RAB30: variants seen among roughly 807,000 people sequenced by gnomAD.
RAB30 encodes the protein RAB30, member RAS oncogene family, also known as ras-related protein Rab-30.
In RAB30, 9 loss-of-function variants were observed where a neutral mutation model predicts 25.1. The ratio of observed to expected loss-of-function variants is 0.36; its 90% CI spans 0.22 to 0.63. The LOEUF is 0.63. RAB30 is among the 20% of genes least tolerant of loss of function. The probability of loss-of-function intolerance (pLI) is 0.69; values close to 1 mark genes in which losing one functional copy is unlikely to be tolerated. For synonymous variants in RAB30, 77 were observed against 86.4 expected (o/e 0.89, Z 0.60); for missense variants, 140 against 243.5 (o/e 0.58, Z 2.83).
intron 2 of RAB30, among the ~76,000 whole-genome samples, 190 bp downstream of exon 2, chr11:82,997,034 C>T (rs372564638): frequency 3.3e-5 from 5 of 152,148 alleles, no homozygotes; most frequent in South Asian, 2.1e-4. Context: ...GCCATGCTCC[C>T]GTGAGGTGGT....
At chr11:83,030,279 T>C (rs1189084564) in intron 1 of RAB30, among the ~76,000 whole-genome samples, 2 of 151,870 alleles carry the variant, frequency 1.3e-5, no homozygotes, top group Non-Finnish European at 2.9e-5. Context: ...GGAGGATCGC[T>C]TGAGACCAGG....
intron 1 of RAB30, among the ~76,000 whole-genome samples, chr11:83,048,579 T>C (rs150040591): frequency 6.6e-6 from 1 of 152,304 alleles, no homozygotes; most frequent in African/African-American, 2.4e-5. Flanking sequence ...TAGGTAAGCT[T>C]TTTCTTTTTC....
At chr11:83,060,037 C>T (rs1858535769) in intron 1 of RAB30, 3 of 151,824 alleles carry the variant, frequency 2.0e-5, no homozygotes, top group Admixed American at 6.6e-5. Context: ...ATTGTGAAAC[C>T]CCATCTTTAC....
At position 83,002,753 on chromosome 11, in the gene RAB30, G is replaced by A. The variant is rs372911770; in HGVS notation, c.-8-5429C>T. ...GTTTGCAGTGACTCATGATCACACT[G>A]CTGCATTCCACCCTGAGCAACAGAG... On this transcript the variant is annotated intron_variant, in intron 1 of 4. Coordinates refer to ENST00000527633, the MANE Select transcript of RAB30 (RefSeq NM_001286060.2). 5.9e-4 allele frequency among the ~76,000 whole-genome samples: 90 copies of A among 152,204 alleles called. 1 individual carries two copies. In the South Asian group the frequency reaches 0.011, roughly 18 times the overall value.
chr11:83,002,851 T>C (rs1857114290), intron 1 of RAB30, among the ~76,000 whole-genome samples: 1 of 152,138 alleles, frequency 6.6e-6, no homozygotes, highest in African/African-American at 2.4e-5. Context: ...CACCTGTGCA[T>C]TTTTCCTCTT....
rs76371215 is a variant in RAB30 at position 83,047,636 on chromosome 11, C to T, written c.-9+24055G>A. 5.1e-3 allele frequency among the ~76,000 whole-genome samples: 773 copies of T among 152,300 alleles called. 8 individuals are homozygous for T. Among genetic ancestry groups the T allele is most frequent in the African/African-American group, 0.017 (696 of 41,572 alleles). Reference sequence around the variant, plus strand: ...AAAGAAAAAATAAAGCTCCCTGCCTCGACTCTTGACCACACATACTTTCCC... The same window carrying T: ...AAAGAAAAAATAAAGCTCCCTGCCTTGACTCTTGACCACACATACTTTCCC... On this transcript the variant is annotated intron_variant, in intron 1 of 4. Coordinates refer to ENST00000527633, the MANE Select transcript of RAB30 (RefSeq NM_001286060.2).
chr11:83,017,893 C>T (rs1448280923), intron 1 of RAB30, among the ~76,000 whole-genome samples: 1 of 152,110 alleles, frequency 6.6e-6, no homozygotes, highest in Non-Finnish European at 1.5e-5. Context: ...GGGTAGATAC[C>T]CAGTAGTGGC....
rs574143508 is a variant in RAB30 at position 82,979,579 on chromosome 11, A to T, written c.*2586T>A. On this transcript the variant is annotated 3_prime_UTR_variant, in exon 5 of 5. Coordinates refer to ENST00000527633, the MANE Select transcript of RAB30 (RefSeq NM_001286060.2). The stretch of plus-strand genomic sequence containing the variant: ...AAGGAATTTCTGTTTAATCAAAAAA[A>T]GCTCCCCCAACCACTACCACCCCAC... 1 of 152,302 alleles carries T rather than the reference A, an allele frequency of 6.6e-6. No individual in the cohort carries two copies. The highest frequency in any genetic ancestry group is 6.5e-5 in the Admixed American group (1 of 15,282). The allele number at this position is 152,302 out of a possible 1,614,324, so 9.4% of individuals were successfully genotyped here.
chr11:83,006,383 T>TATGTGCAG (rs1379245653), intron 1 of RAB30, among the ~76,000 whole-genome samples: 1 of 152,230 alleles, frequency 6.6e-6, no homozygotes, highest in Non-Finnish European at 1.5e-5. Context: ...CACAGCCTGC[T>TATGTGCAG]ATGGATATCT....
intron 3 of RAB30, among the ~76,000 whole-genome samples, chr11:82,989,033 G>A (rs903246831): frequency 1.3e-5 from 2 of 152,052 alleles, no homozygotes; most frequent in Non-Finnish European, 2.9e-5. Flanking sequence ...TGAGGGAGAC[G>A]TCAGGGTCCA....
intron 1 of RAB30, among the ~76,000 whole-genome samples, chr11:83,071,072 T>C (rs892338430): frequency 6.6e-6 from 1 of 152,216 alleles, no homozygotes; most frequent in Non-Finnish European, 1.5e-5. Flanking sequence ...TGAAAGAACC[T>C]TCGCCAGACA....
chr11:83,014,634 A>AAAGGAAAGAAAGAAAG (rs1170716552), intron 1 of RAB30, among the ~76,000 whole-genome samples: 3 of 112,616 alleles, frequency 2.7e-5, no homozygotes, highest in Non-Finnish European at 5.3e-5. Context: ...AGAAGTAAGA[A>AAAGGAAAGAAAGAAAG]AAAGAAAGAA....
chr11:83,041,271 G>T, intron 1 of RAB30: 2 of 179,782 alleles, frequency 1.1e-5, no homozygotes, highest in South Asian at 1.4e-4. Flanking sequence ...GGTGACCAGG[G>T]AACTTGAACT....
chr11:83,060,647 A>T (rs1858551829), intron 1 of RAB30, among the ~76,000 whole-genome samples: 1 of 152,218 alleles, frequency 6.6e-6, no homozygotes, highest in African/African-American at 2.4e-5. Flanking sequence ...ACAGACAACA[A>T]ACTTGGAATC....
chr11:83,024,304 G>A (rs1857658154), intron 1 of RAB30, among the ~76,000 whole-genome samples: 1 of 152,142 alleles, frequency 6.6e-6, no homozygotes, highest in Non-Finnish European at 1.5e-5. Flanking sequence ...CACTGGCCCT[G>A]TGTCCAGCAA....
intron 1 of RAB30, among the ~76,000 whole-genome samples, chr11:83,060,961 C>T (rs1858560559): frequency 6.6e-6 from 1 of 152,222 alleles, no homozygotes; most frequent in African/African-American, 2.4e-5. Context: ...TCTTCCTCTC[C>T]TGTCCTCGGA....
intron 1 of RAB30, among the ~76,000 whole-genome samples, chr11:83,021,486 C>T (rs2121512345): frequency 6.6e-6 from 1 of 152,328 alleles, no homozygotes; most frequent in Admixed American, 6.5e-5. Context: ...CAGCTGCAGC[C>T]TCACAGAGAG....
At chr11:83,030,845 C>G (rs113414603) in intron 1 of RAB30, among the ~76,000 whole-genome samples, 2 of 151,958 alleles carry the variant, frequency 1.3e-5, no homozygotes, top group Admixed American at 1.3e-4. Context: ...TATGTCCCCC[C>G]ACAAGTTCAT....
At chr11:83,010,596 G>A (rs1188790156) in intron 1 of RAB30, among the ~76,000 whole-genome samples, 1 of 152,020 alleles carries the variant, frequency 6.6e-6, no homozygotes, top group Non-Finnish European at 1.5e-5. Flanking sequence ...GGGCTCAATA[G>A]TGGGGAGGGA....
Sources: gnomAD v4.1 joint callset for allele counts (sites outside exome capture counted in the v4.1 genomes callset) on GRCh38, gnomAD v4.1.1 for gene constraint, MANE v1.5 for transcripts, NCBI Gene and HGNC (gene_info 2026-07-23, HGNC 2026-07-21) for gene names.